Variants in MBOAT4 observed in about 807,000 individuals in gnomAD.
MBOAT4 encodes membrane-bound ghrelin O-acyltransferase MBOAT4.
Under a neutral mutation model 13.2 loss-of-function variants are expected in MBOAT4, and 11 were observed. The observed-to-expected ratio is 0.84, with a 90% CI of 0.53 to 1.38. The LOEUF (loss-of-function observed/expected upper bound fraction) is 1.38. Among genes scored for constraint, MBOAT4 ranks in the 40% most tolerant of loss-of-function variants. The pLI, the probability that MBOAT4 is intolerant of heterozygous loss-of-function variation, is 0.00. For synonymous variants in MBOAT4, 202 were observed against 210.3 expected, an observed-to-expected ratio of 0.96 and a Z score of 0.34; for missense variants, 481 against 527.2, an observed-to-expected ratio of 0.91 and a Z score of 0.86.
At chr8:30,135,445 G>A (rs1488979533) in intron 2 of MBOAT4, among the ~76,000 whole-genome samples, 5 of 152,152 alleles carry the variant, frequency 3.3e-5, no homozygotes, top group Non-Finnish European at 5.9e-5. Context: ...TTTTAAATAC[G>A]AACCAGGCCC....
intron 1 of MBOAT4, among the ~76,000 whole-genome samples, chr8:30,142,649 A>C (rs183041206): frequency 3.3e-4 from 50 of 152,308 alleles, no homozygotes; most frequent in Non-Finnish European, 5.6e-4. Flanking sequence ...GAGCCACTGC[A>C]TCCAGCCAGA....
intron 2 of MBOAT4, chr8:30,137,483 C>G: frequency 6.4e-7 from 1 of 1,551,652 alleles, no homozygotes; most frequent in South Asian, 1.2e-5. Flanking sequence ...CTGCTTTGCC[C>G]TCCCTCTCAG....
At position 30,132,249 on chromosome 8, in the gene MBOAT4, A is replaced by G. The variant is rs1447771159; in HGVS notation, c.1002T>C (p.Ser334=). ...CTGGATGGAGTCCATGCCACCAGGC[A>G]GAGAAGGCAAATGTCTGCAACAACG... ...AWPLLQTFAF[S]AWWHGLHPGQ... The change falls in exon 3 of 3, where the codon TCT becomes TCC. Residue 334 remains serine, a synonymous_variant. Coordinates refer to ENST00000320542, the MANE Select transcript of MBOAT4 (RefSeq NM_001100916.2). 1.3e-6 allele frequency: 2 copies of G among 1,551,714 alleles called. No homozygotes were observed. Among genetic ancestry groups the G allele is most frequent in the Non-Finnish European group, 1.7e-6 (2 of 1,147,022 alleles).
chr8:30,141,553 G>A (rs377208476), intron 1 of MBOAT4, among the ~76,000 whole-genome samples: 1 of 152,116 alleles, frequency 6.6e-6, no homozygotes, highest in Non-Finnish European at 1.5e-5. Context: ...CAGGAGAATC[G>A]CTTGAGCTCA....
chr8:30,136,229 G>T (rs767056874), intron 2 of MBOAT4, among the ~76,000 whole-genome samples: 22 of 152,200 alleles, frequency 1.4e-4, no homozygotes, highest in Non-Finnish European at 2.6e-4. Flanking sequence ...TGTGATTAAG[G>T]TTAAATGAGG....
At position 30,137,011 on chromosome 8, in the gene MBOAT4, T is replaced by TA. The variant is rs1230406192; in HGVS notation, c.344+1520dup. Among the ~76,000 whole-genome samples the TA allele has an allele frequency of 2.8e-3, 413 of 147,668 alleles. 2 individuals carry two copies. The highest frequency in any genetic ancestry group is 7.0e-3 in the Middle Eastern group (2 of 284). On this transcript the variant is annotated intron_variant, in intron 2 of 2. Coordinates refer to ENST00000320542, the MANE Select transcript of MBOAT4 (RefSeq NM_001100916.2). The stretch of plus-strand genomic sequence containing the variant: ...CTGAAAATAGTCTTTACAGGAAAAT[T>TA]AAAAAAAAAAATTCTAGGTATAGTC...
chr8:30,132,294 G>A lies in MBOAT4; in HGVS notation c.957C>T (p.Phe319=). The change falls in exon 3 of 3, where the codon TTC becomes TTT. Residue 319 remains phenylalanine (F), a synonymous_variant. Transcript: ENST00000320542. The part of the protein sequence containing the change: ...STARWLRRLV[F]QHSRAWPLLQ... ...ACAACGGCCAAGCCCTGCTGTGCTG[G>A]AATACAAGCCGTCGGAGCCATCGAG... 6.4e-7 allele frequency: 1 copy of A among 1,551,780 alleles called. No homozygotes were observed. The highest frequency in any genetic ancestry group is 8.7e-7 in the Non-Finnish European group (1 of 1,147,016).
chr8:30,132,048 A>C lies in MBOAT4; in HGVS notation c.1203T>G (p.Ser401Arg), dbSNP rs7844812. The C allele has an allele frequency of 2.4e-5, 37 of 1,551,456 alleles. No homozygotes were observed. The highest frequency in any genetic ancestry group is 7.3e-5 in the East Asian group (3 of 40,912). Reference protein sequence around the residue: ...AYIMLAVEVRSLSSLWLLCNS... With the variant: ...AYIMLAVEVRRLSSLWLLCNS... ...TACAGAGCAACCAGAGAGAGGAGAG[A>C]CTCCTGACCTCCACAGCCAGCATGA... is the stretch of plus-strand genomic sequence containing the variant. Residue 401 changes from serine (S) to arginine (R), a missense_variant, in exon 3 of 3, where the codon AGT becomes AGG. Transcript: ENST00000320542.
At chr8:30,140,225 T>C (rs1165548344) in intron 1 of MBOAT4, among the ~76,000 whole-genome samples, 1 of 152,114 alleles carries the variant, frequency 6.6e-6, no homozygotes, top group African/African-American at 2.4e-5. Flanking sequence ...TTAGTAGAGA[T>C]GGAGTTTTGC....
Position 30,132,288 on chromosome 8 carries a change from G to C in MBOAT4, c.963C>G (p.His321Gln). The C allele has an allele frequency of 1.9e-6, 3 of 1,551,790 alleles. No individual in the cohort carries two copies. The highest frequency in any genetic ancestry group is 2.6e-6 in the Non-Finnish European group (3 of 1,147,016). Reference protein sequence around the residue: ...ARWLRRLVFQHSRAWPLLQTF... With the variant: ...ARWLRRLVFQQSRAWPLLQTF... ...TCTGCAACAACGGCCAAGCCCTGCT[G>C]TGCTGGAATACAAGCCGTCGGAGCC... Residue 321 changes from histidine (H) to glutamine (Q), a missense_variant, in exon 3 of 3, where the codon CAC becomes CAG. Coordinates refer to ENST00000320542, the MANE Select transcript of MBOAT4 (RefSeq NM_001100916.2).
chr8:30,132,992 G>A (rs930290558), intron 2 of MBOAT4, 86 bp from the exon 3 acceptor site: 89 of 1,346,250 alleles, frequency 6.6e-5, no homozygotes, highest in South Asian at 9.3e-5. Context: ...TGATCTCGCA[G>A]GAAATAGATA....
At chr8:30,140,720 G>A (rs1803247708) in intron 1 of MBOAT4, among the ~76,000 whole-genome samples, 1 of 152,074 alleles carries the variant, frequency 6.6e-6, no homozygotes, top group Non-Finnish European at 1.5e-5. Flanking sequence ...CAGAGTGAAG[G>A]GTGACCACGA....
chr8:30,142,016 G>A (rs1047046928), intron 1 of MBOAT4, among the ~76,000 whole-genome samples: 8 of 152,116 alleles, frequency 5.3e-5, no homozygotes, highest in African/African-American at 1.9e-4. Flanking sequence ...ACAAAAGGGG[G>A]AACATTTATC....
At chr8:30,133,382 A>G (rs1370185386) in intron 2 of MBOAT4, among the ~76,000 whole-genome samples, 1 of 152,200 alleles carries the variant, frequency 6.6e-6, no homozygotes, top group African/African-American at 2.4e-5. Context: ...AAATAAGCAT[A>G]TGTATATCTG....
At chr8:30,140,931 C>T (rs888728259) in intron 1 of MBOAT4, among the ~76,000 whole-genome samples, 13 of 151,914 alleles carry the variant, frequency 8.6e-5, no homozygotes, top group African/African-American at 2.2e-4. Context: ...TTGACCCCCC[C>T]GGCTCAAGAA....
At position 30,132,810 on chromosome 8, in the gene MBOAT4, TC is replaced by T; in HGVS notation, c.440del (p.Gly147GlufsTer59). 9 of 1,551,720 alleles carry T rather than the reference TC, an allele frequency of 5.8e-6. No individual in the cohort carries two copies. Among genetic ancestry groups the T allele is most frequent in the Non-Finnish European group, 7.8e-6 (9 of 1,147,002 alleles). ...ACAAAGAGCTCCTGCTCCTGAAGCCTCCAGATGCTGCCTTCACTTTCCCCTC... is the reference window on the plus strand; with the variant it reads ...ACAAAGAGCTCCTGCTCCTGAAGCCTCAGATGCTGCCTTCACTTTCCCCTC... Reference protein sequence around the residue: ...ICEGKVKAASGGFRSRSSLSE... With the variant: ...ICEGKVKAASXGFRSRSSLSE... On this transcript the variant is annotated frameshift_variant, in exon 3 of 3. Transcript: ENST00000320542. LOFTEE classifies it low-confidence loss of function (END_TRUNC).
At chr8:30,144,123 A>G (rs1318293638) in intron 1 of MBOAT4, among the ~76,000 whole-genome samples, 1 of 147,462 alleles carries the variant, frequency 6.8e-6, no homozygotes, top group Admixed American at 7.1e-5. Context: ...TTTTTGCCCT[A>G]CTATAGTATT....
chr8:30,132,548 A>C lies in MBOAT4; in HGVS notation c.703T>G (p.Cys235Gly). Residue 235 changes from cysteine (C) to glycine (G), a missense_variant, in exon 3 of 3, where the codon TGC becomes GGC. Physicochemically the swap from Cys to Gly is radical, Grantham distance 159. Transcript: ENST00000320542. ...ACATAGATGCACTCGAATTGCTGGC[A>C]ATCAGTCAGTCCCGCTCCTGCATCC... ...VVDAGAGLTD[C>G]QQFECIYVVW... The C allele has an allele frequency of 6.4e-7, 1 of 1,551,742 alleles. No homozygotes were observed. The highest frequency in any genetic ancestry group is 1.7e-4 in the Middle Eastern group (1 of 5,992).
At chr8:30,141,691 G>T (rs1803263628) in intron 1 of MBOAT4, among the ~76,000 whole-genome samples, 1 of 152,042 alleles carries the variant, frequency 6.6e-6, no homozygotes, top group African/African-American at 2.4e-5. Flanking sequence ...AAAGAAAAAA[G>T]GACTCACTGG....
Sources: allele counts gnomAD v4.1 joint callset (sites outside exome capture counted in the v4.1 genomes callset), GRCh38; gene constraint gnomAD v4.1.1; transcripts MANE v1.5; gene names NCBI Gene and HGNC (gene_info 2026-07-23, HGNC 2026-07-21).